The following MAGI1 variants were observed in gnomAD, a reference collection of about 807,000 sequenced individuals.
The protein encoded by MAGI1 is membrane-associated guanylate kinase, WW and PDZ domain-containing protein 1.
MAGI1 carries 58 observed loss-of-function variants against 139.9 expected under a neutral mutation model. The observed-to-expected ratio is 0.41, with a 90% confidence interval of 0.34 to 0.52. The LOEUF is 0.52. Among genes scored for constraint, MAGI1 ranks in the 20% least tolerant of loss-of-function variants. MAGI1 has a pLI of 0.12. For synonymous variants in MAGI1, 812 were observed against 737.9 expected (o/e 1.10, Z -1.63); for missense variants, 1,874 against 1,901.6 (o/e 0.99, Z 0.27).
At chr3:65,578,481 C>G (rs1307877110) in intron 2 of MAGI1, among the ~76,000 whole-genome samples, 1 of 152,192 alleles carries the variant, frequency 6.6e-6, no homozygotes, top group Non-Finnish European at 1.5e-5. Context: ...CTCTCCTATT[C>G]TTCTTTGTTC....
At chr3:65,574,679 T>A (rs74279570) in intron 2 of MAGI1, among the ~76,000 whole-genome samples, 12,346 of 151,982 alleles carry the variant, frequency 0.081, 618 homozygotes, top group East Asian at 0.16. Flanking sequence ...AGAATAAAGT[T>A]GGAAAACTAA....
intron 1 of MAGI1, among the ~76,000 whole-genome samples, chr3:65,878,087 C>A (rs1212609644): frequency 6.6e-6 from 1 of 151,428 alleles, no homozygotes; most frequent in Non-Finnish European, 1.5e-5. Flanking sequence ...CTCCAGCCTA[C>A]GTGACAGAGT....
intron 1 of MAGI1, among the ~76,000 whole-genome samples, chr3:65,997,153 G>A (rs565622442): frequency 1.1e-4 from 16 of 152,206 alleles, no homozygotes; most frequent in South Asian, 2.1e-4. Flanking sequence ...ATGCATCTAT[G>A]TACCCACCCT....
intron 1 of MAGI1, among the ~76,000 whole-genome samples, chr3:65,993,193 T>C (rs2066270220): frequency 6.6e-6 from 1 of 152,176 alleles, no homozygotes; most frequent in Non-Finnish European, 1.5e-5. Flanking sequence ...CTGAGAGCCA[T>C]CACAGCAGGC....
chr3:65,375,809 T>C lies in MAGI1; in HGVS notation c.3132A>G (p.Ser1044=), dbSNP rs1418273784. The C allele has an allele frequency of 6.8e-6, 11 of 1,614,114 alleles. No individual in the cohort carries two copies. Among genetic ancestry groups the C allele is most frequent in the Non-Finnish European group, 9.3e-6 (11 of 1,180,014 alleles). ...CTTCCTTGATTAGGTTCACAATGTC[T>C]GAATGGGATTTGTTGGTGATGGAAC... The part of the protein sequence containing the change: ...NGCSITNKSH[S]DIVNLIKEAG... The change falls in exon 18 of 23, where the codon TCA becomes TCG. Residue 1044 remains serine, a synonymous_variant. Transcript: ENST00000402939.
chr3:65,724,043 C>T (rs1003313966), intron 1 of MAGI1, among the ~76,000 whole-genome samples: 1 of 152,344 alleles, frequency 6.6e-6, no homozygotes, highest in Non-Finnish European at 1.5e-5. Flanking sequence ...CTGAGCAAAG[C>T]ATTGACAATG....
chr3:65,382,858 T>C (rs1041789269), intron 15 of MAGI1, among the ~76,000 whole-genome samples: 3 of 152,174 alleles, frequency 2.0e-5, no homozygotes, highest in Non-Finnish European at 4.4e-5. Context: ...AATGAGAGAA[T>C]GTATGTTAAG....
intron 2 of MAGI1, among the ~76,000 whole-genome samples, chr3:65,609,444 ATTT>A (rs1218021784): frequency 1.3e-5 from 2 of 150,646 alleles, no homozygotes; most frequent in Non-Finnish European, 3.0e-5. Context: ...TGCCCAATTA[ATTT>A]TTTGTATTTT....
At chr3:65,655,226 C>T (rs934200950) in intron 1 of MAGI1, among the ~76,000 whole-genome samples, 16 of 151,898 alleles carry the variant, frequency 1.1e-4, no homozygotes, top group Non-Finnish European at 1.3e-4. Flanking sequence ...AGACGTAGAG[C>T]GGAGAAAAAA....
intron 2 of MAGI1, among the ~76,000 whole-genome samples, chr3:65,569,861 C>T (rs1032763247): frequency 1.3e-5 from 2 of 150,314 alleles, no homozygotes; most frequent in African/African-American, 2.5e-5. Context: ...GGCAATACAG[C>T]GAGACCCTGT....
intron 1 of MAGI1, among the ~76,000 whole-genome samples, chr3:65,627,664 T>C (rs936476758): frequency 2.6e-5 from 4 of 151,656 alleles, no homozygotes; most frequent in African/African-American, 7.3e-5. Context: ...ACCACCACCA[T>C]GCCCAGCTAA....
At chr3:65,945,398 C>T (rs983084819) in intron 1 of MAGI1, among the ~76,000 whole-genome samples, 1 of 152,184 alleles carries the variant, frequency 6.6e-6, no homozygotes, top group Non-Finnish European at 1.5e-5. Context: ...GGGGACCACA[C>T]ATTCATTTCA....
At chr3:65,475,735 C>T (rs1400495947) in intron 4 of MAGI1, among the ~76,000 whole-genome samples, 1 of 151,976 alleles carries the variant, frequency 6.6e-6, no homozygotes, top group Non-Finnish European at 1.5e-5. Context: ...TCTGGGATGA[C>T]TGCTCACTGT....
intron 1 of MAGI1, among the ~76,000 whole-genome samples, chr3:65,971,671 C>T (rs574316825): frequency 3.9e-5 from 6 of 152,282 alleles, no homozygotes; most frequent in African/African-American, 1.2e-4. Context: ...TACAAAGACT[C>T]GTGAAGCAGA....
chr3:65,458,584 T>C (rs566480296), intron 5 of MAGI1, among the ~76,000 whole-genome samples: 3 of 152,316 alleles, frequency 2.0e-5, no homozygotes, highest in South Asian at 2.1e-4. Context: ...CCTTTTCACA[T>C]ATCTGTCTGC....
chr3:65,932,713 T>A (rs544064163), intron 1 of MAGI1, among the ~76,000 whole-genome samples: 1 of 152,012 alleles, frequency 6.6e-6, no homozygotes, highest in African/African-American at 2.4e-5. Context: ...TTCCACCTCG[T>A]AGATGGAAAA....
At chr3:65,601,269 T>C (rs1266618399) in intron 2 of MAGI1, among the ~76,000 whole-genome samples, 1 of 152,202 alleles carries the variant, frequency 6.6e-6, no homozygotes, top group African/African-American at 2.4e-5. Context: ...ATAGTTTGTT[T>C]GTTTTTTTAA....
chr3:65,977,463 C>G (rs370950279), intron 1 of MAGI1, among the ~76,000 whole-genome samples: 1 of 152,174 alleles, frequency 6.6e-6, no homozygotes, highest in Non-Finnish European at 1.5e-5. Flanking sequence ...GTAATCCCAG[C>G]ACTTTGGGAG....
chr3:65,927,211 T>C (rs1576098083), intron 1 of MAGI1, among the ~76,000 whole-genome samples: 1 of 152,232 alleles, frequency 6.6e-6, no homozygotes, highest in Non-Finnish European at 1.5e-5. Context: ...TTTTACTCTA[T>C]GAATTCGCCT....
Sources: gnomAD v4.1 joint callset for allele counts (sites outside exome capture counted in the v4.1 genomes callset) on GRCh38, gnomAD v4.1.1 for gene constraint, MANE v1.5 for transcripts, NCBI Gene and HGNC (gene_info 2026-07-23, HGNC 2026-07-21) for gene names.